Variants in BRSK2 observed in about 807,000 individuals in gnomAD.
The protein encoded by BRSK2 is BR serine/threonine kinase 2.
BRSK2 carries 19 observed loss-of-function variants against 83.3 expected under a neutral mutation model. The ratio of observed to expected loss-of-function variants is 0.23; its 90% CI spans 0.16 to 0.33. BRSK2 has a LOEUF of 0.33. Among genes scored for constraint, BRSK2 ranks in the 10% least tolerant of loss-of-function variants. BRSK2 has a pLI of 1.00. For missense variants in BRSK2, 798 were observed against 1,042.3 expected (o/e 0.77, Z 3.23); for synonymous variants, 519 against 435.4 (o/e 1.19, Z -2.39).
At chr11:1,450,825 G>C (rs769076762) in intron 14 of BRSK2, 31 bp downstream of exon 14, 2 of 1,559,264 alleles carry the variant, frequency 1.3e-6, no homozygotes, top group Non-Finnish European at 1.7e-6. Context: ...GCCAGAGTGG[G>C]GCTGGGAGAG....
chr11:1,455,801 C>T (rs1304930260), intron 16 of BRSK2, among the ~76,000 whole-genome samples: 8 of 152,120 alleles, frequency 5.3e-5, no homozygotes, highest in Non-Finnish European at 7.4e-5. Context: ...GGGCCCTGTG[C>T]GCTGGGTGGC....
chr11:1,450,970 T>C (rs1394509861), intron 14 of BRSK2, among the ~76,000 whole-genome samples, 176 bp downstream of exon 14: 1 of 152,198 alleles, frequency 6.6e-6, no homozygotes, highest in South Asian at 2.1e-4. Context: ...GTGTCCTACC[T>C]GTCGCACAGG....
intron 12 of BRSK2, chr11:1,447,893 C>A: frequency 6.4e-7 from 1 of 1,573,200 alleles, no homozygotes. Context: ...GTCCCCGCAC[C>A]TCCCAGCCCC....
At chr11:1,455,892 C>T (rs1846464244) in intron 16 of BRSK2, among the ~76,000 whole-genome samples, 1 of 151,910 alleles carries the variant, frequency 6.6e-6, no homozygotes, top group African/African-American at 2.4e-5. Context: ...GGTCCCGCAA[C>T]CAGTGGGAGT....
chr11:1,456,389 C>T lies in BRSK2; in HGVS notation c.1710C>T (p.Phe570=), dbSNP rs765535131. ...LSHSVISQTS[F]RAEYKATGGP... ...ACAGCGTCATCTCCCAAACGAGCTT[C>T]CGGGCCGAGTACAAGGCCACGGGGG... Residue 570 remains phenylalanine (F), a synonymous_variant, in exon 17 of 20, where the codon TTC becomes TTT. Transcript: ENST00000528841. 5.0e-6 allele frequency: 8 copies of T among 1,597,568 alleles called. No individual in the cohort carries two copies. In the South Asian group the frequency reaches 9.0e-5, roughly 18 times the overall value.
At chr11:1,413,712 C>T (rs1041408986) in intron 1 of BRSK2, among the ~76,000 whole-genome samples, 11 of 152,172 alleles carry the variant, frequency 7.2e-5, no homozygotes, top group Admixed American at 2.6e-4. Flanking sequence ...CTGGGCAGAA[C>T]GGGGGAACCA....
At chr11:1,428,969 C>T (rs1027664612) in intron 1 of BRSK2, among the ~76,000 whole-genome samples, 4 of 137,228 alleles carry the variant, frequency 2.9e-5, no homozygotes, top group South Asian at 2.4e-4. Flanking sequence ...GTGCCCTTGG[C>T]GTGTGGGCGT....
At chr11:1,408,108 C>T (rs1166728020) in intron 1 of BRSK2, among the ~76,000 whole-genome samples, 1 of 152,250 alleles carries the variant, frequency 6.6e-6, no homozygotes, top group Admixed American at 6.5e-5. Context: ...CCTCTGGCCT[C>T]CCTGGGGCAA....
intron 1 of BRSK2, among the ~76,000 whole-genome samples, chr11:1,395,264 T>C (rs1343419436): frequency 6.6e-6 from 1 of 152,134 alleles, no homozygotes; most frequent in Non-Finnish European, 1.5e-5. Context: ...GACGCTGTTC[T>C]CAGGGGCGCC....
chr11:1,446,936 T>G (rs965656275), intron 12 of BRSK2, among the ~76,000 whole-genome samples: 6 of 152,108 alleles, frequency 3.9e-5, no homozygotes, highest in African/African-American at 9.7e-5. Context: ...CCTCGGGAAC[T>G]TGGGGGAAGC....
chr11:1,424,114 G>T (rs950008056), intron 1 of BRSK2, among the ~76,000 whole-genome samples: 1 of 152,186 alleles, frequency 6.6e-6, no homozygotes, highest in East Asian at 1.9e-4. Flanking sequence ...ATCTTTTGGG[G>T]GTCACCATTC....
chr11:1,406,907 CGTGT>C (rs373208775), intron 1 of BRSK2, among the ~76,000 whole-genome samples: 5 of 152,032 alleles, frequency 3.3e-5, no homozygotes, highest in South Asian at 2.1e-4. Context: ...TGTCTGTGTG[CGTGT>C]GTGTGTGTGG....
chr11:1,394,876 A>G (rs1281294549), intron 1 of BRSK2, among the ~76,000 whole-genome samples: 8 of 100,046 alleles, frequency 8.0e-5, no homozygotes, highest in Non-Finnish European at 1.4e-4. Flanking sequence ...GGCCATGGAG[A>G]TGGGTCCTGG....
intron 1 of BRSK2, chr11:1,411,482 A>T (rs576504956): frequency 6.8e-7 from 1 of 1,481,096 alleles, no homozygotes; most frequent in East Asian, 2.5e-5. Flanking sequence ...TCTGCTCCCC[A>T]AGAGAGCCCA....
At chr11:1,437,430 C>T (rs1184200613) in intron 2 of BRSK2, among the ~76,000 whole-genome samples, 2 of 152,166 alleles carry the variant, frequency 1.3e-5, no homozygotes, top group Non-Finnish European at 2.9e-5. Flanking sequence ...TTGTGCTGGG[C>T]GGAGCACCAG....
At chr11:1,444,686 C>T (rs1444976673) in intron 8 of BRSK2, among the ~76,000 whole-genome samples, 1 of 151,822 alleles carries the variant, frequency 6.6e-6, no homozygotes, top group Admixed American at 6.6e-5. Flanking sequence ...GGCCCCTGCC[C>T]CTACCTGGAG....
At chr11:1,411,330 G>A (rs761645400) in intron 1 of BRSK2, 126 of 1,367,380 alleles carry the variant, frequency 9.2e-5, no homozygotes, top group Admixed American at 2.9e-4. Context: ...AGCTGGGGCC[G>A]GAGCAGGGGG....
chr11:1,436,250 G>GGGGGGGGGGGGGGGGGGGCGCCCCCCCCC, intron 2 of BRSK2, 116 bp downstream of exon 2: 1 of 168,876 alleles, frequency 5.9e-6, no homozygotes, highest in Non-Finnish European at 9.5e-6. Context: ...GGGGGGGCGG[G>GGGGGGGGGGGGGGGGGGGCGCCCCCCCCC]CCCTGCAGGC....
chr11:1,441,011 G>C, intron 4 of BRSK2, 83 bp downstream of exon 4: 1 of 1,209,228 alleles, frequency 8.3e-7, no homozygotes, highest in Non-Finnish European at 1.1e-6. Context: ...TGTGCCCCAA[G>C]GACTACACCC....
Sources: allele counts gnomAD v4.1 joint callset (sites outside exome capture counted in the v4.1 genomes callset), GRCh38; gene constraint gnomAD v4.1.1; transcripts MANE v1.5; gene names NCBI Gene and HGNC (gene_info 2026-07-23, HGNC 2026-07-21).